Variants in PRKG1 observed in about 807,000 individuals in gnomAD.
The protein encoded by PRKG1 is protein kinase cGMP-dependent 1.
A neutral mutation model predicts 88.1 loss-of-function variants in PRKG1; 35 were observed. The observed-to-expected ratio is 0.40, with a 90% CI of 0.30 to 0.53. The LOEUF is 0.53. Among genes scored for constraint, PRKG1 ranks in the 20% least tolerant of loss-of-function variants. The probability of loss-of-function intolerance (pLI) is 0.59; values close to 1 mark genes in which losing one functional copy is unlikely to be tolerated. For missense variants in PRKG1, 540 were observed against 839.8 expected, an observed-to-expected ratio of 0.64 and a Z score of 4.41; for synonymous variants, 303 against 292.5, an observed-to-expected ratio of 1.04 and a Z score of -0.37.
chr10:51,869,483 A>G (rs983344188), intron 4 of PRKG1, among the ~76,000 whole-genome samples: 1 of 152,170 alleles, frequency 6.6e-6, no homozygotes, highest in Admixed American at 6.5e-5. Flanking sequence ...GAAAATGGAA[A>G]GTACCAAAAT....
chr10:51,507,814 C>A (rs1012770585), intron 3 of PRKG1, among the ~76,000 whole-genome samples: 3 of 152,098 alleles, frequency 2.0e-5, no homozygotes, highest in African/African-American at 7.2e-5. Context: ...CGAAGATGTT[C>A]TCCCTGACCA....
chr10:52,081,469 T>C (rs1031009035), intron 7 of PRKG1: 99 of 414,024 alleles, frequency 2.4e-4, no homozygotes, highest in Admixed American at 1.2e-3. Context: ...ATCTCTCCCC[T>C]CCTCACACCA....
At chr10:51,899,055 C>T (rs965987066) in intron 4 of PRKG1, among the ~76,000 whole-genome samples, 1 of 152,086 alleles carries the variant, frequency 6.6e-6, no homozygotes, top group Non-Finnish European at 1.5e-5. Context: ...GCTCTATTCA[C>T]AATTGTAAGA....
upstream of PRKG1, among the ~76,000 whole-genome samples, chr10:51,073,919 T>C (rs576330553): frequency 8.3e-4 from 126 of 152,268 alleles, no homozygotes; most frequent in Non-Finnish European, 1.4e-3. Flanking sequence ...CTTTCCTTAG[T>C]GAGGCCGGCC....
At chr10:51,925,894 G>A (rs981609015) in intron 5 of PRKG1, among the ~76,000 whole-genome samples, 1 of 152,120 alleles carries the variant, frequency 6.6e-6, no homozygotes, top group Non-Finnish European at 1.5e-5. Context: ...AAGGATGAAA[G>A]TGTTGACTTA....
intron 4 of PRKG1, among the ~76,000 whole-genome samples, chr10:51,847,865 AAAAAAAAAAAAAG>A (rs1840442328): frequency 7.3e-6 from 1 of 137,786 alleles, no homozygotes; most frequent in South Asian, 2.2e-4. Context: ...AAAAAAAAAA[AAAAAAAAAAAAAG>A]ACCGAGAATC....
chr10:51,675,962 T>C (rs1840699965), intron 3 of PRKG1, among the ~76,000 whole-genome samples: 1 of 152,090 alleles, frequency 6.6e-6, no homozygotes, highest in Non-Finnish European at 1.5e-5. Context: ...TGGGCCCTTA[T>C]GAAAGAAGGT....
chr10:51,459,672 T>A (rs1329170155), intron 2 of PRKG1, among the ~76,000 whole-genome samples: 1 of 152,196 alleles, frequency 6.6e-6, no homozygotes, highest in Non-Finnish European at 1.5e-5. Context: ...ATAAGTTATC[T>A]AAGTTTCCAC....
chr10:51,680,019 C>G (rs540790165), intron 3 of PRKG1, among the ~76,000 whole-genome samples: 2 of 152,168 alleles, frequency 1.3e-5, no homozygotes, highest in African/African-American at 2.4e-5. Context: ...TACAACCTCC[C>G]CCTTCCACCA....
Position 51,578,980 on chromosome 10 carries a change from G to GTTTTTTT in PRKG1, c.592+111166_592+111172dup, listed in dbSNP as rs752412264. Among the ~76,000 whole-genome samples the GTTTTTTT allele has an allele frequency of 1.0e-4, 8 of 77,830 alleles. 1 individual carries two copies. The highest frequency in any genetic ancestry group is 1.6e-4 in the African/African-American group (3 of 18,900). The allele number at this position is 77,830 out of a possible 152,430, so 51.1% of individuals were successfully genotyped here. ...GAAGAGTTTGGAATAAGTTCTGTTG[G>GTTTTTTT]TTTTTTTTTTTTTTTTTTTTTTTTT... On this transcript the variant is annotated intron_variant, in intron 3 of 17. Transcript: ENST00000373980.
intron 3 of PRKG1, among the ~76,000 whole-genome samples, chr10:51,642,421 C>G (rs888721185): frequency 3.9e-5 from 6 of 152,054 alleles, no homozygotes; most frequent in Admixed American, 3.3e-4. Context: ...TACTTAAATA[C>G]TTATTTAAGT....
At chr10:51,512,126 G>A (rs1417600753) in intron 3 of PRKG1, among the ~76,000 whole-genome samples, 3 of 151,028 alleles carry the variant, frequency 2.0e-5, no homozygotes, top group Non-Finnish European at 4.4e-5. Flanking sequence ...AAAGAGGGTG[G>A]TGGTAGGACT....
chr10:51,540,996 C>T (rs762273007), intron 3 of PRKG1, among the ~76,000 whole-genome samples: 4 of 152,248 alleles, frequency 2.6e-5, no homozygotes, highest in Middle Eastern at 3.4e-3. Context: ...GGATTACAGG[C>T]GTGAGCCACC....
At position 51,743,364 on chromosome 10, in the gene PRKG1, A is replaced by G. The variant is rs530165124; in HGVS notation, c.593-61221A>G. 2.0e-5 allele frequency among the ~76,000 whole-genome samples: 3 copies of G among 152,070 alleles called. No homozygotes were observed. The South Asian group carries it at 6.2e-4, about 32-fold the overall frequency. On this transcript the variant is annotated intron_variant, in intron 3 of 17. Transcript: ENST00000373980. ...TGCCCTTTCAGTTTCTTCAGGAAAG[A>G]AAACCAAGCTTTGAGTGTCAGTGTT...
chr10:51,915,819 A>T (rs1204586050), intron 5 of PRKG1, among the ~76,000 whole-genome samples: 1 of 152,178 alleles, frequency 6.6e-6, no homozygotes, highest in East Asian at 1.9e-4. Context: ...TCCAAAGAAG[A>T]TACACAAAAG....
At chr10:51,267,661 A>G (rs1839870916) in intron 2 of PRKG1, among the ~76,000 whole-genome samples, 1 of 152,160 alleles carries the variant, frequency 6.6e-6, no homozygotes, top group African/African-American at 2.4e-5. Flanking sequence ...AAATCAACTC[A>G]AGATGGTTCA....
At chr10:52,038,956 G>T (rs569178024) in intron 5 of PRKG1, among the ~76,000 whole-genome samples, 2 of 152,190 alleles carry the variant, frequency 1.3e-5, no homozygotes, top group African/African-American at 4.8e-5. Context: ...GTAAGAAGAG[G>T]CCGCTTACCT....
At chr10:51,963,899 T>C (rs538958125) in intron 5 of PRKG1, among the ~76,000 whole-genome samples, 6 of 152,338 alleles carry the variant, frequency 3.9e-5, no homozygotes, top group African/African-American at 1.4e-4. Context: ...TTCCTATTGC[T>C]GCTGTAACAA....
At chr10:52,202,601 G>A (rs1004675303) in intron 9 of PRKG1, among the ~76,000 whole-genome samples, 80 of 151,964 alleles carry the variant, frequency 5.3e-4, no homozygotes, top group African/African-American at 1.8e-3. Flanking sequence ...GTTTCCACAG[G>A]AATGGTACCA....
Sources: allele counts gnomAD v4.1 joint callset (sites outside exome capture counted in the v4.1 genomes callset), GRCh38; gene constraint gnomAD v4.1.1; transcripts MANE v1.5; gene names NCBI Gene and HGNC (gene_info 2026-07-23, HGNC 2026-07-21).